VTI1A: variants seen among roughly 807,000 people sequenced by gnomAD.
VTI1A encodes vesicle transport through interaction with t-SNAREs homolog 1A.
VTI1A carries 22 observed loss-of-function variants against 34.9 expected under a neutral mutation model. The ratio of observed to expected loss-of-function variants is 0.63; its 90% CI spans 0.45 to 0.90. VTI1A has a LOEUF of 0.90. VTI1A is among the 40% of genes least tolerant of loss of function. The pLI is 0.00. For missense variants in VTI1A, 268 were observed against 275.6 expected, an observed-to-expected ratio of 0.97 and a Z score of 0.20; for synonymous variants, 87 against 97.3, an observed-to-expected ratio of 0.89 and a Z score of 0.62.
intron 4 of VTI1A, among the ~76,000 whole-genome samples, chr10:112,532,254 TAC>T (rs1015368710): frequency 6.6e-6 from 1 of 152,206 alleles, no homozygotes; most frequent in Non-Finnish European, 1.5e-5. Flanking sequence ...ACATGATACT[TAC>T]AGAGACTTAT....
At chr10:112,517,774 G>A (rs1350892822) in intron 3 of VTI1A, among the ~76,000 whole-genome samples, 1 of 152,030 alleles carries the variant, frequency 6.6e-6, no homozygotes, top group Non-Finnish European at 1.5e-5. Context: ...AAATACCTGA[G>A]CACCACTCCT....
chr10:112,596,122 T>C (rs970774783), intron 5 of VTI1A, among the ~76,000 whole-genome samples: 2 of 133,244 alleles, frequency 1.5e-5, no homozygotes, highest in Non-Finnish European at 3.1e-5. Context: ...TGAGAACACA[T>C]GGACACAGGA....
chr10:112,668,815 T>G, intron 6 of VTI1A, 122 bp from the exon 7 acceptor site: 1 of 1,023,364 alleles, frequency 9.8e-7, no homozygotes. Flanking sequence ...TGTATTTATT[T>G]TTGTGTATTT....
intron 7 of VTI1A, among the ~76,000 whole-genome samples, chr10:112,765,889 C>T (rs1419653327): frequency 6.6e-6 from 1 of 152,156 alleles, no homozygotes; most frequent in East Asian, 1.9e-4. Context: ...GTCCAGAGAC[C>T]ACACCTGGAG....
At chr10:112,841,916 CAGCCCACAAGCCCAAGGCCGG>C in the VTI1A span, among the ~76,000 whole-genome samples, 1 of 152,282 alleles carries the variant, frequency 6.6e-6, no homozygotes, top group Admixed American at 6.5e-5. Flanking sequence ...TGCTCTGATG[CAGCCCACAAGCCCAAGGCCGG>C]TGGAGGCAAG....
intron 3 of VTI1A, among the ~76,000 whole-genome samples, chr10:112,499,205 CT>C (rs1226926365): frequency 1.3e-5 from 2 of 152,044 alleles, no homozygotes; most frequent in African/African-American, 4.8e-5. Flanking sequence ...ACCTCTGAAA[CT>C]TTTTTGCTAA....
At chr10:112,794,997 G>A (rs1472555320) in intron 7 of VTI1A, among the ~76,000 whole-genome samples, 4 of 151,996 alleles carry the variant, frequency 2.6e-5, no homozygotes, top group African/African-American at 4.8e-5. Flanking sequence ...TCTTTTACAC[G>A]TGTGATCTAA....
chr10:112,482,933 T>C (rs1848500953), intron 3 of VTI1A, among the ~76,000 whole-genome samples: 1 of 152,114 alleles, frequency 6.6e-6, no homozygotes, highest in African/African-American at 2.4e-5. Context: ...TTGAATTCTG[T>C]CGTGACTGGG....
intron 3 of VTI1A, among the ~76,000 whole-genome samples, chr10:112,509,715 A>C (rs1271521904): frequency 6.6e-6 from 1 of 152,200 alleles, no homozygotes; most frequent in Non-Finnish European, 1.5e-5. Context: ...AGTTGTTAAG[A>C]GTCCTCACGT....
chr10:112,613,950 C>T (rs2134529706), intron 5 of VTI1A, among the ~76,000 whole-genome samples: 1 of 152,246 alleles, frequency 6.6e-6, no homozygotes, highest in African/African-American at 2.4e-5. Flanking sequence ...TTTTTTTGTT[C>T]TTGCTGTTCC....
intron 3 of VTI1A, among the ~76,000 whole-genome samples, chr10:112,481,645 T>G (rs1183199731): frequency 6.6e-6 from 1 of 152,228 alleles, no homozygotes; most frequent in African/African-American, 2.4e-5. Context: ...AACTTAATTT[T>G]GTACAAGAAT....
intron 2 of VTI1A, 35 bp from the exon 3 acceptor site, chr10:112,464,512 G>A: frequency 6.5e-7 from 1 of 1,539,400 alleles, no homozygotes; most frequent in South Asian, 1.2e-5. Flanking sequence ...GAATAACAGT[G>A]TGTTTTAAAT....
At chr10:112,837,876 G>GT in the VTI1A span, among the ~76,000 whole-genome samples, 3 of 152,202 alleles carry the variant, frequency 2.0e-5, no homozygotes, top group Non-Finnish European at 4.4e-5. Flanking sequence ...CCACTTTTGG[G>GT]TAACAGTAGA....
At chr10:112,709,533 G>A (rs1590098814) in intron 7 of VTI1A, among the ~76,000 whole-genome samples, 1 of 151,766 alleles carries the variant, frequency 6.6e-6, no homozygotes. Context: ...TCTTAATCTT[G>A]CTCATGCCAT....
intron 5 of VTI1A, among the ~76,000 whole-genome samples, chr10:112,617,125 G>C (rs1845539453): frequency 6.6e-6 from 1 of 152,028 alleles, no homozygotes; most frequent in African/African-American, 2.4e-5. Context: ...AAGCCAATGA[G>C]AAATAAAAGC....
chr10:112,820,162 C>G (rs1014327367), downstream of VTI1A, among the ~76,000 whole-genome samples: 3 of 152,348 alleles, frequency 2.0e-5, no homozygotes, highest in African/African-American at 7.2e-5. Flanking sequence ...TGGAGGATCT[C>G]AAGCCTCCAT....
At chr10:112,629,509 TTTTTCCA>T (rs1846053570) in intron 5 of VTI1A, among the ~76,000 whole-genome samples, 1 of 152,182 alleles carries the variant, frequency 6.6e-6, no homozygotes, top group African/African-American at 2.4e-5. Flanking sequence ...AACAGGACCT[TTTTTCCA>T]GTTAGGCTTC....
chr10:112,735,776 C>T (rs1157084733), intron 7 of VTI1A, among the ~76,000 whole-genome samples: 1 of 151,982 alleles, frequency 6.6e-6, no homozygotes, highest in Admixed American at 6.6e-5. Context: ...CTCAACTACT[C>T]AGGAACCTGC....
At chr10:112,691,262 A>AAAATAAAT (rs67534865) in intron 7 of VTI1A, among the ~76,000 whole-genome samples, 21,933 of 140,054 alleles carry the variant, frequency 0.16, 1,837 homozygotes, top group Non-Finnish European at 0.18. Context: ...CTCTGCCTCA[A>AAAATAAAT]AAATAAATAA....
Sources: allele counts gnomAD v4.1 joint callset (sites outside exome capture counted in the v4.1 genomes callset), GRCh38; gene constraint gnomAD v4.1.1; transcripts MANE v1.5; gene names NCBI Gene and HGNC (gene_info 2026-07-23, HGNC 2026-07-21).